Variants in DCTN4 observed in about 807,000 individuals in gnomAD.
DCTN4 encodes the protein dynactin 4 (p62).
Under a neutral mutation model 62.7 loss-of-function variants are expected in DCTN4, and 23 were observed. The ratio of observed to expected loss-of-function variants is 0.37; its 90% CI spans 0.26 to 0.52. The LOEUF (loss-of-function observed/expected upper bound fraction) is 0.52, where lower values mean the gene tolerates loss of function less well. Among genes scored for constraint, DCTN4 ranks in the 20% least tolerant of loss-of-function variants. The pLI is 0.92. For missense variants in DCTN4, 514 were observed against 580.4 expected (o/e 0.89, Z 1.18); for synonymous variants, 199 against 202.1 (o/e 0.98, Z 0.13).
intron 8 of DCTN4, among the ~76,000 whole-genome samples, chr5:150,727,929 T>C (rs947391520): frequency 1.3e-5 from 2 of 152,180 alleles, no homozygotes; most frequent in Non-Finnish European, 2.9e-5. Flanking sequence ...GTATAATTTC[T>C]GTAAATTATA....
chr5:150,727,562 G>A (rs1760192450), intron 8 of DCTN4, among the ~76,000 whole-genome samples: 1 of 151,860 alleles, frequency 6.6e-6, no homozygotes, highest in African/African-American at 2.4e-5. Flanking sequence ...GGATCACGAG[G>A]TCAGAAGATC....
Position 150,733,646 on chromosome 5 carries a change from G to A in DCTN4, c.430-171C>T, listed in dbSNP as rs192425218. On this transcript the variant is annotated intron_variant, in intron 4 of 12. Coordinates refer to ENST00000447998, the MANE Select transcript of DCTN4 (RefSeq NM_016221.4). ...TTCTTCGTTATGTGATCTGTTTTCC[G>A]AAGTGAAATGGAAAACTGAAGTTCA... 1.6e-3 allele frequency: 781 copies of A among 477,020 alleles called. 4 individuals are homozygous for A. The highest frequency in any genetic ancestry group is 0.013 in the African/African-American group (637 of 50,504). 29.5% of individuals were successfully genotyped at this position (477,020 alleles called of 1,614,324 possible). A position where few individuals can be genotyped will look rare whatever the true frequency, so the allele number is the denominator to read the frequency against.
intron 3 of DCTN4, 116 bp from the exon 4 acceptor site, chr5:150,742,273 T>A: frequency 4.1e-5 from 40 of 986,862 alleles, no homozygotes; most frequent in Non-Finnish European, 5.7e-5. Flanking sequence ...TATAGACCAT[T>A]CTGGTCTATA....
chr5:150,744,172 C>T (rs191863406), intron 3 of DCTN4, among the ~76,000 whole-genome samples: 6 of 152,216 alleles, frequency 3.9e-5, no homozygotes, highest in African/African-American at 1.4e-4. Flanking sequence ...ATGCGATCAA[C>T]TGGAAGAAAG....
At chr5:150,728,459 G>A (rs1322794135) in intron 8 of DCTN4, among the ~76,000 whole-genome samples, 1 of 152,010 alleles carries the variant, frequency 6.6e-6, no homozygotes, top group East Asian at 1.9e-4. Flanking sequence ...TATTCTTACT[G>A]ATTTTCATCT....
chr5:150,718,019 T>C (rs771632408), intron 11 of DCTN4, among the ~76,000 whole-genome samples: 18 of 152,200 alleles, frequency 1.2e-4, no homozygotes, highest in Non-Finnish European at 2.1e-4. Context: ...AGAGAAGAAA[T>C]GGGTTGAAAC....
At chr5:150,730,773 AC>A (rs1157347582) in intron 7 of DCTN4, 33 bp from the exon 8 acceptor site, 1 of 1,581,024 alleles carries the variant, frequency 6.3e-7, no homozygotes, top group Non-Finnish European at 8.7e-7. Context: ...GGCTTAGTTT[AC>A]AGTGACTTTC....
intron 4 of DCTN4, among the ~76,000 whole-genome samples, chr5:150,741,654 A>G (rs1423003842): frequency 6.6e-6 from 1 of 151,602 alleles, no homozygotes; most frequent in African/African-American, 2.4e-5. Flanking sequence ...CTGAATTTTT[A>G]ATTTTTTTGT....
chr5:150,718,448 C>T (rs942803270), intron 10 of DCTN4, 65 bp from the exon 11 acceptor site: 24 of 1,098,770 alleles, frequency 2.2e-5, no homozygotes, highest in South Asian at 1.3e-4. Context: ...CCGAATATTT[C>T]GCAAAATTAC....
At chr5:150,739,547 A>T (rs1760697970) in intron 4 of DCTN4, among the ~76,000 whole-genome samples, 1 of 152,186 alleles carries the variant, frequency 6.6e-6, no homozygotes. Context: ...CCAAAATACC[A>T]TCATCATTCT....
chr5:150,718,870 G>C (rs889516925), intron 10 of DCTN4, among the ~76,000 whole-genome samples: 6 of 151,962 alleles, frequency 3.9e-5, no homozygotes, highest in Non-Finnish European at 5.9e-5. Flanking sequence ...CCAGGCTGGA[G>C]TGCAGTGGCA....
chr5:150,732,875 T>C (rs1760435657), intron 5 of DCTN4, among the ~76,000 whole-genome samples: 1 of 152,238 alleles, frequency 6.6e-6, no homozygotes, highest in South Asian at 2.1e-4. Context: ...CATATATTAC[T>C]ATTTAACCAC....
At chr5:150,730,067 A>G (rs1475756413) in intron 8 of DCTN4, among the ~76,000 whole-genome samples, 1 of 152,222 alleles carries the variant, frequency 6.6e-6, no homozygotes, top group East Asian at 1.9e-4. Flanking sequence ...CAGCTGCACT[A>G]TCACATTTCA....
chr5:150,758,267 T>C lies in DCTN4; in HGVS notation c.135+592A>G, dbSNP rs115584719. Reference sequence around the variant, plus strand: ...CCACTTGTGCCAGGGAAGGACAGCATTGTCCTCTAGCTCCATAAATACACT... The same window carrying C: ...CCACTTGTGCCAGGGAAGGACAGCACTGTCCTCTAGCTCCATAAATACACT... On this transcript the variant is annotated intron_variant, in intron 1 of 12. Transcript: ENST00000447998. 1,328 of 985,598 alleles carry C rather than the reference T, an allele frequency of 1.3e-3. 16 individuals are homozygous for C. The African/African-American group carries it at 0.021, about 15-fold the overall frequency. The allele number at this position is 985,598 out of a possible 1,614,324, so 61.1% of individuals were successfully genotyped here.
chr5:150,722,030 T>A (rs1759971105), intron 9 of DCTN4, among the ~76,000 whole-genome samples: 1 of 152,132 alleles, frequency 6.6e-6, no homozygotes, highest in Non-Finnish European at 1.5e-5. Flanking sequence ...CTTACTATGT[T>A]GTCCAGGCTG....
chr5:150,742,229 G>A, intron 3 of DCTN4, 72 bp from the exon 4 acceptor site: 6 of 1,463,912 alleles, frequency 4.1e-6, no homozygotes, highest in Non-Finnish European at 5.7e-6. Context: ...CAAGTCTTCT[G>A]TAGGCCATAA....
At chr5:150,741,944 A>G (rs773405025) in intron 4 of DCTN4, among the ~76,000 whole-genome samples, 170 bp downstream of exon 4, 9 of 152,252 alleles carry the variant, frequency 5.9e-5, no homozygotes, top group Non-Finnish European at 1.2e-4. Context: ...TCATTTGGAA[A>G]AAAGTGACAG....
At chr5:150,712,507 A>G (rs1474810454) in intron 12 of DCTN4, among the ~76,000 whole-genome samples, 1 of 152,134 alleles carries the variant, frequency 6.6e-6, no homozygotes, top group East Asian at 1.9e-4. Flanking sequence ...AGTTCATGGT[A>G]GCCTTGACCT....
chr5:150,721,666 G>A (rs1759958164), intron 9 of DCTN4, among the ~76,000 whole-genome samples: 1 of 152,046 alleles, frequency 6.6e-6, no homozygotes, highest in Non-Finnish European at 1.5e-5. Flanking sequence ...CAAATCCCTT[G>A]TTCCACATTC....
Sources: allele counts gnomAD v4.1 joint callset (sites outside exome capture counted in the v4.1 genomes callset), GRCh38; gene constraint gnomAD v4.1.1; transcripts MANE v1.5; gene names NCBI Gene and HGNC (gene_info 2026-07-23, HGNC 2026-07-21).